GULP1: variants seen among roughly 807,000 people sequenced by gnomAD.
The protein encoded by GULP1 is GULP PTB domain containing engulfment adaptor 1, also known as PTB domain-containing engulfment adapter protein 1.
A neutral mutation model predicts 40.9 loss-of-function variants in GULP1; 19 were observed. That is an observed-to-expected ratio of 0.46 (90% CI 0.32 to 0.68). The LOEUF (loss-of-function observed/expected upper bound fraction) is 0.68, where lower values mean the gene tolerates loss of function less well. GULP1 is among the 30% of genes least tolerant of loss of function. GULP1 has a pLI of 0.03. For synonymous variants in GULP1, 119 were observed against 117.6 expected (o/e 1.01, Z -0.08); for missense variants, 312 against 362.2 (o/e 0.86, Z 1.12).
At chr2:188,414,274 A>G (rs548720198) in intron 2 of GULP1, among the ~76,000 whole-genome samples, 2 of 151,676 alleles carry the variant, frequency 1.3e-5, no homozygotes, top group African/African-American at 2.4e-5. Flanking sequence ...TGATTTGTAT[A>G]TATTTCTAGT....
chr2:188,439,562 G>C (rs1280368484), intron 2 of GULP1, among the ~76,000 whole-genome samples: 1 of 152,002 alleles, frequency 6.6e-6, no homozygotes, highest in Non-Finnish European at 1.5e-5. Context: ...ATGCATGTGT[G>C]TACACATATA....
At chr2:188,401,351 C>G (rs1004916471) in intron 2 of GULP1, among the ~76,000 whole-genome samples, 1 of 151,998 alleles carries the variant, frequency 6.6e-6, no homozygotes, top group Admixed American at 6.6e-5. Context: ...ATAATAAACA[C>G]TATAAGTGAA....
rs528076826 is a variant in GULP1 at position 188,484,583 on chromosome 2, A to AGT, written c.90+1093_90+1094dup. On this transcript the variant is annotated intron_variant, in intron 4 of 11. Coordinates refer to ENST00000409830, the MANE Select transcript of GULP1 (RefSeq NM_016315.4). The stretch of plus-strand genomic sequence containing the variant: ...AAGAGAACTTAAACGTTTATGGATT[A>AGT]GTGAAGTATACACTGGGATACAGTG... Among the ~76,000 whole-genome samples the AGT allele has an allele frequency of 3.1e-3, 467 of 152,312 alleles. 3 individuals carry two copies. The highest frequency in any genetic ancestry group is 5.6e-3 in the Non-Finnish European group (381 of 68,000).
chr2:188,489,589 C>T (rs1002380355), intron 4 of GULP1, among the ~76,000 whole-genome samples: 1 of 151,828 alleles, frequency 6.6e-6, no homozygotes, highest in Non-Finnish European at 1.5e-5. Context: ...TAAATTGAAG[C>T]TTAACCATCA....
intron 1 of GULP1, among the ~76,000 whole-genome samples, chr2:188,371,420 C>G (rs2047583410): frequency 6.6e-6 from 1 of 152,000 alleles, no homozygotes; most frequent in South Asian, 2.1e-4. Flanking sequence ...AACATGCAAA[C>G]TAGATGTGTT....
intron 2 of GULP1, among the ~76,000 whole-genome samples, chr2:188,452,921 AC>A (rs2058949437): frequency 6.6e-6 from 1 of 152,198 alleles, no homozygotes; most frequent in South Asian, 2.1e-4. Flanking sequence ...TATCAAATAC[AC>A]TTTTTTGGAG....
chr2:188,430,909 TACAG>T (rs752597037), intron 2 of GULP1, among the ~76,000 whole-genome samples: 5 of 152,224 alleles, frequency 3.3e-5, no homozygotes, highest in Non-Finnish European at 7.3e-5. Flanking sequence ...TAAGAATCTA[TACAG>T]ACAGACAGGC....
At chr2:188,538,671 ATGTGTGTGTGAG>A (rs956705048) in intron 6 of GULP1, among the ~76,000 whole-genome samples, 12 of 150,148 alleles carry the variant, frequency 8.0e-5, no homozygotes, top group East Asian at 3.9e-4. Context: ...TGATTGCGGT[ATGTGTGTGTGAG>A]TGTGTGTGTG....
intron 4 of GULP1, among the ~76,000 whole-genome samples, chr2:188,514,040 A>AGTGAGTGTGTGTGTGT (rs1553577816): frequency 8.1e-6 from 1 of 122,998 alleles, no homozygotes; most frequent in African/African-American, 3.0e-5. Context: ...TCCCCTTCTG[A>AGTGAGTGTGTGTGTGT]GTGTGTGTGT....
At chr2:188,524,090 G>C (rs1439720567) in intron 5 of GULP1, among the ~76,000 whole-genome samples, 3 of 152,112 alleles carry the variant, frequency 2.0e-5, no homozygotes, top group Non-Finnish European at 4.4e-5. Flanking sequence ...TTAAAATGTT[G>C]AGGATTCTGG....
chr2:188,343,846 G>A (rs955963800), intron 1 of GULP1, among the ~76,000 whole-genome samples: 1 of 151,990 alleles, frequency 6.6e-6, no homozygotes, highest in Non-Finnish European at 1.5e-5. Context: ...TCACCCAGAC[G>A]GGAGGGAGTG....
chr2:188,430,852 A>G (rs941069589), intron 2 of GULP1, among the ~76,000 whole-genome samples: 1 of 152,202 alleles, frequency 6.6e-6, no homozygotes, highest in East Asian at 1.9e-4. Context: ...ACTGTAGATT[A>G]TAAGACTCCC....
intron 9 of GULP1, among the ~76,000 whole-genome samples, chr2:188,572,998 G>A (rs928662268): frequency 5.9e-5 from 9 of 152,098 alleles, no homozygotes; most frequent in Non-Finnish European, 1.0e-4. Flanking sequence ...GCCAAGAGTA[G>A]TTTTAATTGT....
intron 4 of GULP1, among the ~76,000 whole-genome samples, chr2:188,494,742 A>C (rs952977277): frequency 6.6e-6 from 1 of 151,994 alleles, no homozygotes; most frequent in Non-Finnish European, 1.5e-5. Flanking sequence ...CTCTCTCCTT[A>C]GCGTGACTTT....
At chr2:188,484,538 C>T (rs2061701015) in intron 4 of GULP1, among the ~76,000 whole-genome samples, 1 of 151,978 alleles carries the variant, frequency 6.6e-6, no homozygotes, top group Admixed American at 6.6e-5. Flanking sequence ...TAGGGGAAAA[C>T]AAAACTATAA....
intron 2 of GULP1, among the ~76,000 whole-genome samples, chr2:188,464,932 G>A (rs2059995499): frequency 6.6e-6 from 1 of 152,040 alleles, no homozygotes; most frequent in South Asian, 2.1e-4. Flanking sequence ...CCCAGAGAAG[G>A]TCCAGAAATG....
intron 2 of GULP1, among the ~76,000 whole-genome samples, chr2:188,424,194 A>G (rs1212625360): frequency 6.6e-6 from 1 of 151,944 alleles, no homozygotes; most frequent in Admixed American, 6.6e-5. Context: ...GAAAATGCCT[A>G]TTTAAAAATT....
At chr2:188,293,419 C>G (rs13390401) in intron 1 of GULP1, among the ~76,000 whole-genome samples, 22,847 of 152,130 alleles carry the variant, frequency 0.15, 1,863 homozygotes, top group Middle Eastern at 0.17. Context: ...CAAGTCATGA[C>G]TGATTTCTAG....
chr2:188,307,614 C>CA (rs1466877536), intron 1 of GULP1, among the ~76,000 whole-genome samples: 1 of 152,106 alleles, frequency 6.6e-6, no homozygotes, highest in Non-Finnish European at 1.5e-5. Flanking sequence ...TGTTGAAACA[C>CA]ATTTAAGAAT....
Sources: allele counts gnomAD v4.1 joint callset (sites outside exome capture counted in the v4.1 genomes callset), GRCh38; gene constraint gnomAD v4.1.1; transcripts MANE v1.5; gene names NCBI Gene and HGNC (gene_info 2026-07-23, HGNC 2026-07-21).